Variants in AAK1 observed in about 807,000 individuals in gnomAD.
The protein encoded by AAK1 is AP2-associated protein kinase 1.
Under a neutral mutation model 116.0 loss-of-function variants are expected in AAK1, and 37 were observed. The observed-to-expected ratio is 0.32, with a 90% confidence interval of 0.25 to 0.42. The LOEUF (loss-of-function observed/expected upper bound fraction) is 0.42, where lower values mean the gene tolerates loss of function less well. AAK1 is among the 10% of genes least tolerant of loss of function. AAK1 has a pLI of 1.00. For synonymous variants in AAK1, 458 were observed against 439.9 expected, an observed-to-expected ratio of 1.04 and a Z score of -0.51; for missense variants, 919 against 1,170.6, an observed-to-expected ratio of 0.79 and a Z score of 3.14.
At chr2:69,589,657 C>A (rs1254944590) in intron 2 of AAK1, among the ~76,000 whole-genome samples, 3 of 145,842 alleles carry the variant, frequency 2.1e-5, no homozygotes, top group Non-Finnish European at 4.5e-5. Context: ...TGCAGTGAGC[C>A]GAGATCGCGC....
At chr2:69,642,397 G>A (rs112939786) in intron 2 of AAK1, among the ~76,000 whole-genome samples, 62 of 151,964 alleles carry the variant, frequency 4.1e-4, no homozygotes, top group African/African-American at 1.4e-3. Context: ...GGAAAAACAC[G>A]TTCACGTTCT....
At chr2:69,498,014 TCCACC>T (rs1303344286) in intron 16 of AAK1, among the ~76,000 whole-genome samples, 4 of 150,010 alleles carry the variant, frequency 2.7e-5, no homozygotes, top group Non-Finnish European at 3.0e-5. Flanking sequence ...CTGTTCTCCC[TCCACC>T]CCACCCCACC....
chr2:69,509,815 T>A (rs1676323086), intron 13 of AAK1, among the ~76,000 whole-genome samples: 1 of 152,214 alleles, frequency 6.6e-6, no homozygotes, highest in African/African-American at 2.4e-5. Flanking sequence ...GACCACTTTC[T>A]ATTTCTGGAG....
At chr2:69,509,738 T>C (rs1676320847) in intron 13 of AAK1, among the ~76,000 whole-genome samples, 1 of 152,216 alleles carries the variant, frequency 6.6e-6, no homozygotes, top group Non-Finnish European at 1.5e-5. Context: ...ATGTTAACCA[T>C]ATTCAGCTCA....
intron 12 of AAK1, among the ~76,000 whole-genome samples, chr2:69,517,450 G>C (rs969328315): frequency 6.6e-6 from 1 of 151,888 alleles, no homozygotes; most frequent in Non-Finnish European, 1.5e-5. Flanking sequence ...TCAATACACC[G>C]ATTGATCTTT....
intron 3 of AAK1, among the ~76,000 whole-genome samples, chr2:69,548,549 C>T (rs562734030): frequency 5.1e-4 from 75 of 147,768 alleles, no homozygotes; most frequent in African/African-American, 1.9e-3. Context: ...TTCCTTCCTT[C>T]CTCTTTCTTT....
At chr2:69,604,723 G>GC (rs1673724323) in intron 2 of AAK1, among the ~76,000 whole-genome samples, 1 of 152,100 alleles carries the variant, frequency 6.6e-6, no homozygotes, top group Admixed American at 6.5e-5. Flanking sequence ...GTCCAGTGGG[G>GC]CTGCACCTTA....
At position 69,520,873 on chromosome 2, in the gene AAK1, G is replaced by A. The variant is rs1669747688; in HGVS notation, c.1171C>T (p.Arg391Trp). 2.5e-6 allele frequency: 4 copies of A among 1,594,534 alleles called. No individual in the cohort carries two copies. Among genetic ancestry groups the A allele is most frequent in the East Asian group, 2.2e-5 (1 of 44,678 alleles). The change falls in exon 11 of 22, where the codon CGG (arginine) becomes TGG (tryptophan). Residue 391 changes from arginine (R) to tryptophan (W), a missense_variant. Transcript: ENST00000409085. ...GGGGGCTGAACAGTGGCCCTCTTCC[G>A]GGGTGTCAGCGCTGGCTGGATGGGA... The part of the protein sequence containing the change: ...ILPIQPALTP[R>W]KRATVQPPPQ...
intron 13 of AAK1, 141 bp downstream of exon 13, chr2:69,514,330 G>A (rs948314804): frequency 3.6e-6 from 4 of 1,119,874 alleles, no homozygotes; most frequent in Admixed American, 3.0e-5. Flanking sequence ...ATATATCAAG[G>A]AAAGATCAAA....
chr2:69,585,933 T>G (rs13405333), intron 2 of AAK1, among the ~76,000 whole-genome samples: 16,414 of 152,106 alleles, frequency 0.11, 1,968 homozygotes, highest in African/African-American at 0.27. Context: ...ATACAAAAAT[T>G]GGCCTAGCAC....
Position 69,474,002 on chromosome 2 carries a change from CA to C in AAK1, c.*1866del, listed in dbSNP as rs1268127440. The C allele has an allele frequency of 5.0e-5, 49 of 985,800 alleles. No homozygotes were observed. Among genetic ancestry groups the C allele is most frequent in the Non-Finnish European group, 5.5e-5 (46 of 829,940 alleles). The allele number at this position is 985,800 out of a possible 1,614,324, so 61.1% of individuals were successfully genotyped here. A position where few individuals can be genotyped will look rare whatever the true frequency, so the allele number is the denominator to read the frequency against. On this transcript the variant is annotated 3_prime_UTR_variant, in exon 22 of 22. Transcript: ENST00000409085. ...TCAGTTTTGGAAATGGTCTGTTATT[CA>C]ACTAGAGGCCTTTACCTAGCTCATC...
intron 2 of AAK1, among the ~76,000 whole-genome samples, chr2:69,588,869 G>A (rs1239976188): frequency 6.6e-6 from 1 of 152,164 alleles, no homozygotes; most frequent in Non-Finnish European, 1.5e-5. Context: ...TTTATAAAGA[G>A]CTCAATCTGG....
In AAK1 at chr2:69,519,262, T is replaced by C. The variant is rs1199096311; in HGVS notation, c.1211-22A>G. The C allele has an allele frequency of 3.3e-6, 5 of 1,516,284 alleles. No homozygotes were observed. In the African/African-American group the frequency reaches 4.2e-5, roughly 13 times the overall value. The allele number at this position is 1,516,284 out of a possible 1,614,324, so 93.9% of individuals were successfully genotyped here. A position where few individuals can be genotyped will look rare whatever the true frequency, so the allele number is the denominator to read the frequency against. ...GATCCTGCAATGAGAATAAAGTCCA[T>C]GTAAGGGTTCCAAATGCTTCCACAC... On this transcript the variant is annotated intron_variant, in intron 11 of 21. Coordinates refer to ENST00000409085, the MANE Select transcript of AAK1 (RefSeq NM_014911.5).
intron 20 of AAK1, 75 bp downstream of exon 20, chr2:69,478,876 G>T: frequency 1.6e-6 from 2 of 1,261,196 alleles, no homozygotes; most frequent in Non-Finnish European, 2.3e-6. Context: ...CTTTTGATAA[G>T]AAAAACTTTC....
At chr2:69,509,497 T>TA (rs747712310) in intron 13 of AAK1, 37 bp from the exon 14 acceptor site, 2,332 of 1,372,844 alleles carry the variant, frequency 1.7e-3, no homozygotes, top group Non-Finnish European at 1.9e-3. Context: ...TTCATTAAAT[T>TA]AAAAAAAAAA....
At chr2:69,591,481 G>T (rs1673021042) in intron 2 of AAK1, among the ~76,000 whole-genome samples, 1 of 150,960 alleles carries the variant, frequency 6.6e-6, no homozygotes, top group Non-Finnish European at 1.5e-5. Context: ...AGCCAACGGG[G>T]TTAAAGTTGG....
intron 3 of AAK1, among the ~76,000 whole-genome samples, chr2:69,547,858 T>C (rs10175868): frequency 3.9e-5 from 6 of 152,174 alleles, no homozygotes; most frequent in East Asian, 1.9e-4. Context: ...GATAAATGAA[T>C]AAATAAAATG....
intron 2 of AAK1, among the ~76,000 whole-genome samples, chr2:69,621,948 C>T (rs558692804): frequency 7.2e-4 from 110 of 152,388 alleles, no homozygotes; most frequent in African/African-American, 2.4e-3. Context: ...CACTCGCTTT[C>T]GACGCCTCCT....
chr2:69,555,311 C>G (rs972543049), intron 3 of AAK1, among the ~76,000 whole-genome samples: 4 of 152,184 alleles, frequency 2.6e-5, no homozygotes, highest in African/African-American at 9.6e-5. Context: ...TGGGAGTTGG[C>G]TGGTTTGTTG....
Sources: gnomAD v4.1 joint callset for allele counts (sites outside exome capture counted in the v4.1 genomes callset) on GRCh38, gnomAD v4.1.1 for gene constraint, MANE v1.5 for transcripts, NCBI Gene and HGNC (gene_info 2026-07-23, HGNC 2026-07-21) for gene names.